COL25A1: variants seen among roughly 807,000 people sequenced by gnomAD.
COL25A1 encodes collagen type XXV alpha 1 chain, also known as collagen alpha-1(XXV) chain.
In COL25A1, 103 loss-of-function variants were observed where a neutral mutation model predicts 128.4. The ratio of observed to expected loss-of-function variants is 0.80; its 90% CI spans 0.68 to 0.94. The LOEUF (loss-of-function observed/expected upper bound fraction) is 0.94. Among genes scored for constraint, COL25A1 ranks in the 40% least tolerant of loss-of-function variants. The pLI is 0.00. For synonymous variants in COL25A1, 279 were observed against 277.2 expected (o/e 1.01, Z -0.06); for missense variants, 745 against 840.0 (o/e 0.89, Z 1.40).
intron 31 of COL25A1, chr4:108,834,359 G>C: frequency 6.4e-7 from 1 of 1,550,506 alleles, no homozygotes; most frequent in Non-Finnish European, 8.7e-7. Context: ...ACTCACCCGG[G>C]ATCCTGGCTT....
At chr4:109,107,808 GA>G (rs1432722383) in intron 3 of COL25A1, among the ~76,000 whole-genome samples, 2 of 152,164 alleles carry the variant, frequency 1.3e-5, no homozygotes, top group African/African-American at 4.8e-5. Context: ...AAAAAATACT[GA>G]AAAATAAATC....
At chr4:109,184,355 ATTCT>A (rs1201437477) in intron 3 of COL25A1, among the ~76,000 whole-genome samples, 2 of 152,192 alleles carry the variant, frequency 1.3e-5, no homozygotes, top group East Asian at 3.9e-4. Flanking sequence ...CCTTGGAAAC[ATTCT>A]TTCTAACATT....
At chr4:109,178,238 C>T (rs923261765) in intron 3 of COL25A1, among the ~76,000 whole-genome samples, 1 of 152,154 alleles carries the variant, frequency 6.6e-6, no homozygotes, top group Non-Finnish European at 1.5e-5. Flanking sequence ...AAATACATTT[C>T]GCCTAAAGAA....
chr4:109,033,772 A>G (rs1759086656), intron 5 of COL25A1, among the ~76,000 whole-genome samples: 1 of 152,210 alleles, frequency 6.6e-6, no homozygotes, highest in African/African-American at 2.4e-5. Flanking sequence ...TGACAGTAAT[A>G]TCTTTTACAC....
intron 3 of COL25A1, among the ~76,000 whole-genome samples, chr4:109,135,617 T>G (rs1478523898): frequency 1.3e-5 from 2 of 151,048 alleles, no homozygotes; most frequent in East Asian, 3.9e-4. Context: ...GACTGGTTCC[T>G]CCCAAACAAT....
At chr4:108,895,478 T>C (rs1203496754) in intron 16 of COL25A1, among the ~76,000 whole-genome samples, 2 of 152,100 alleles carry the variant, frequency 1.3e-5, no homozygotes, top group Admixed American at 1.3e-4. Flanking sequence ...CTATAAAGTA[T>C]GAATCCAAGC....
intron 3 of COL25A1, among the ~76,000 whole-genome samples, chr4:109,165,752 C>T (rs1459977122): frequency 6.6e-6 from 1 of 152,090 alleles, no homozygotes; most frequent in African/African-American, 2.4e-5. Context: ...TGATGGTGTA[C>T]ACTAGTGAGA....
intron 6 of COL25A1, among the ~76,000 whole-genome samples, chr4:109,007,079 A>C (rs964962421): frequency 1.3e-5 from 2 of 152,190 alleles, no homozygotes; most frequent in African/African-American, 2.4e-5. Flanking sequence ...GTTGAAGATA[A>C]ATAAAAATAA....
At position 108,902,253 on chromosome 4, in the gene COL25A1, C is replaced by T. The variant is rs535916244; in HGVS notation, c.781-1081G>A. Among the ~76,000 whole-genome samples the T allele has an allele frequency of 8.6e-5, 13 of 151,958 alleles. No homozygotes were observed. The South Asian group carries it at 2.3e-3, about 27-fold the overall frequency. On this transcript the variant is annotated intron_variant, in intron 13 of 37. Coordinates refer to ENST00000399132, the MANE Select transcript of COL25A1 (RefSeq NM_198721.4). The stretch of plus-strand genomic sequence containing the variant: ...TAATAATAGTAACATTTCTTAAGTG[C>T]CAGGATCTTTATATTCATTGACTCA...
At chr4:109,220,360 T>C (rs947022853) in intron 3 of COL25A1, among the ~76,000 whole-genome samples, 1 of 152,196 alleles carries the variant, frequency 6.6e-6, no homozygotes, top group Non-Finnish European at 1.5e-5. Context: ...TTATCTCAAC[T>C]GATAAGATAT....
At chr4:109,088,402 T>C (rs1764597424) in intron 3 of COL25A1, among the ~76,000 whole-genome samples, 1 of 152,260 alleles carries the variant, frequency 6.6e-6, no homozygotes, top group Admixed American at 6.5e-5. Flanking sequence ...TTCAAATAAG[T>C]AATTTTATTT....
chr4:108,950,720 G>A (rs776889677), intron 8 of COL25A1, among the ~76,000 whole-genome samples: 3 of 152,192 alleles, frequency 2.0e-5, no homozygotes, highest in Non-Finnish European at 4.4e-5. Flanking sequence ...GGAGGTCAGA[G>A]TGATGAGAAC....
chr4:109,023,556 T>C (rs770571437), intron 5 of COL25A1, among the ~76,000 whole-genome samples: 11 of 152,126 alleles, frequency 7.2e-5, no homozygotes, highest in Non-Finnish European at 1.3e-4. Flanking sequence ...GAGGAGCTAA[T>C]TGAACTGGAG....
chr4:108,869,412 A>G (rs1046187009), intron 19 of COL25A1, among the ~76,000 whole-genome samples: 1 of 151,680 alleles, frequency 6.6e-6, no homozygotes, highest in African/African-American at 2.4e-5. Flanking sequence ...AGTCGGGGGG[A>G]GGGGATGTGC....
chr4:109,114,579 G>A lies in COL25A1; in HGVS notation c.368-64400C>T, dbSNP rs138820374. 2.4e-4 allele frequency among the ~76,000 whole-genome samples: 37 copies of A among 152,166 alleles called. No individual in the cohort carries two copies. The East Asian group carries it at 5.4e-3, about 22-fold the overall frequency. ...AGCTGCATGTGAAAGTCATGAAGAC[G>A]TAAGAAAGCCCTGTGCATCCTGGGA... On this transcript the variant is annotated intron_variant, in intron 3 of 37. Coordinates refer to ENST00000399132, the MANE Select transcript of COL25A1 (RefSeq NM_198721.4).
At chr4:108,838,296 G>A in intron 31 of COL25A1, 1 of 698,434 alleles carries the variant, frequency 1.4e-6, no homozygotes, top group East Asian at 2.7e-5. Flanking sequence ...GCAGAGTCAG[G>A]CTAGATTTGT....
At chr4:109,130,440 C>G (rs1024528579) in intron 3 of COL25A1, among the ~76,000 whole-genome samples, 1 of 151,646 alleles carries the variant, frequency 6.6e-6, no homozygotes, top group African/African-American at 2.4e-5. Context: ...AAAAAAATAA[C>G]GTAAGAATTC....
chr4:109,201,156 C>G (rs1031513865), intron 3 of COL25A1, among the ~76,000 whole-genome samples: 18 of 152,156 alleles, frequency 1.2e-4, no homozygotes, highest in African/African-American at 4.3e-4. Flanking sequence ...TCAGTACTAA[C>G]TTAACACAAG....
intron 5 of COL25A1, among the ~76,000 whole-genome samples, chr4:109,015,833 A>C (rs1198434649): frequency 6.6e-6 from 1 of 152,268 alleles, no homozygotes; most frequent in Non-Finnish European, 1.5e-5. Flanking sequence ...AGTATACATT[A>C]CTTTAGGCAA....
Sources: gnomAD v4.1 joint callset for allele counts (sites outside exome capture counted in the v4.1 genomes callset) on GRCh38, gnomAD v4.1.1 for gene constraint, MANE v1.5 for transcripts, NCBI Gene and HGNC (gene_info 2026-07-23, HGNC 2026-07-21) for gene names.